The following USP25 variants were observed in gnomAD, a reference collection of about 807,000 sequenced individuals.
USP25 encodes the protein ubiquitin specific peptidase 25, also known as ubiquitin carboxyl-terminal hydrolase 25.
In USP25, 85 loss-of-function variants were observed where a neutral mutation model predicts 158.5. The observed-to-expected ratio is 0.54, with a 90% CI of 0.45 to 0.64. USP25 has a LOEUF of 0.64. Ranked by LOEUF, USP25 falls within the 30% of genes least tolerant of loss-of-function variation. The pLI, the probability that USP25 is intolerant of heterozygous loss-of-function variation, is 0.00. For synonymous variants in USP25, 464 were observed against 460.4 expected (o/e 1.01, Z -0.10); for missense variants, 1,242 against 1,327.3 (o/e 0.94, Z 1.00).
At chr21:15,783,105 T>G (rs1600895267) in intron 4 of USP25, among the ~76,000 whole-genome samples, 1 of 149,504 alleles carries the variant, frequency 6.7e-6, no homozygotes, top group African/African-American at 2.5e-5. Flanking sequence ...TGAATGAAAT[T>G]AAAAAAAATA....
At chr21:15,792,991 C>A (rs2035673312) in intron 5 of USP25, among the ~76,000 whole-genome samples, 1 of 151,552 alleles carries the variant, frequency 6.6e-6, no homozygotes, top group Non-Finnish European at 1.5e-5. Context: ...ATTCTTAGAT[C>A]ATCTTAATAG....
chr21:15,838,875 A>G (rs1361195393), intron 17 of USP25, among the ~76,000 whole-genome samples: 1 of 152,142 alleles, frequency 6.6e-6, no homozygotes, highest in South Asian at 2.1e-4. Context: ...GGAAATATGC[A>G]TAAGTAAAGC....
chr21:15,831,761 A>G, intron 16 of USP25, 132 bp downstream of exon 16: 1 of 765,318 alleles, frequency 1.3e-6, no homozygotes, highest in South Asian at 1.6e-5. Context: ...GGTTTTGACA[A>G]GACTGAATTG....
At chr21:15,785,768 C>G (rs1358555943) in intron 4 of USP25, among the ~76,000 whole-genome samples, 1 of 151,960 alleles carries the variant, frequency 6.6e-6, no homozygotes, top group African/African-American at 2.4e-5. Context: ...AAAGCAAGAA[C>G]AAATTAAACC....
intron 2 of USP25, among the ~76,000 whole-genome samples, chr21:15,765,400 A>G (rs1176172808): frequency 1.3e-5 from 2 of 152,152 alleles, no homozygotes; most frequent in Non-Finnish European, 2.9e-5. Context: ...GATGAGAACT[A>G]TGCAAAATGT....
At chr21:15,839,713 C>T (rs954942138) in intron 17 of USP25, among the ~76,000 whole-genome samples, 15 of 151,938 alleles carry the variant, frequency 9.9e-5, no homozygotes, top group Admixed American at 7.2e-4. Context: ...TTTTTTTATA[C>T]GGACTTTATT....
intron 9 of USP25, among the ~76,000 whole-genome samples, chr21:15,814,001 T>C (rs1488771507): frequency 2.6e-5 from 4 of 151,464 alleles, no homozygotes; most frequent in Admixed American, 2.6e-4. Flanking sequence ...GGTAATTGAA[T>C]TATGGGGGCT....
chr21:15,817,446 T>C (rs1020334200), intron 9 of USP25, among the ~76,000 whole-genome samples: 1 of 152,198 alleles, frequency 6.6e-6, no homozygotes, highest in African/African-American at 2.4e-5. Context: ...ACAGGGACTT[T>C]AAAGGTGTTT....
chr21:15,869,241 C>G (rs2039783360), intron 22 of USP25, among the ~76,000 whole-genome samples: 1 of 142,724 alleles, frequency 7.0e-6, no homozygotes, highest in Non-Finnish European at 1.5e-5. Context: ...GAGTGAGACC[C>G]TGTCTCCAAA....
intron 10 of USP25, among the ~76,000 whole-genome samples, chr21:15,821,662 T>A (rs1476385442): frequency 6.6e-6 from 1 of 152,010 alleles, no homozygotes; most frequent in African/African-American, 2.4e-5. Context: ...GGCAATTAAA[T>A]GACTGGAGCT....
At chr21:15,733,392 G>A (rs148603636) in intron 1 of USP25, among the ~76,000 whole-genome samples, 34 of 152,246 alleles carry the variant, frequency 2.2e-4, no homozygotes, top group Non-Finnish European at 3.8e-4. Context: ...TCCAAAAGGA[G>A]TGTAGTACTT....
chr21:15,845,300 A>G (rs911517829), intron 18 of USP25, among the ~76,000 whole-genome samples: 6 of 152,016 alleles, frequency 3.9e-5, no homozygotes, highest in African/African-American at 1.5e-4. Flanking sequence ...TGAGAAACTT[A>G]TTTTTAACTC....
At chr21:15,856,297 A>C (rs963954048) in intron 20 of USP25, among the ~76,000 whole-genome samples, 1 of 152,220 alleles carries the variant, frequency 6.6e-6, no homozygotes, top group Non-Finnish European at 1.5e-5. Context: ...CTAGTAATAC[A>C]TAATCCAAAA....
At chr21:15,837,509 A>G (rs992943585) in intron 17 of USP25, among the ~76,000 whole-genome samples, 6 of 152,198 alleles carry the variant, frequency 3.9e-5, no homozygotes, top group Admixed American at 3.9e-4. Context: ...CTCTGGAGAA[A>G]GGATCTGATA....
At chr21:15,783,347 T>C (rs1339618541) in intron 4 of USP25, among the ~76,000 whole-genome samples, 1 of 152,168 alleles carries the variant, frequency 6.6e-6, no homozygotes, top group African/African-American at 2.4e-5. Context: ...TTTGGTTAAA[T>C]AGATTGCCTG....
intron 24 of USP25, chr21:15,876,553 G>A (rs1029572367): frequency 6.0e-6 from 1 of 166,918 alleles, no homozygotes; most frequent in Non-Finnish European, 1.3e-5. Flanking sequence ...GGTGGCAGGA[G>A]AGAGAAGTGC....
At chr21:15,864,545 T>A (rs1463145816) in intron 21 of USP25, 99 bp downstream of exon 21, 2 of 1,065,814 alleles carry the variant, frequency 1.9e-6, no homozygotes, top group Non-Finnish European at 2.6e-6. Flanking sequence ...TATATATGCA[T>A]GGGCACATAT....
At position 15,766,931 on chromosome 21, in the gene USP25, G is replaced by A. The variant is rs967823003; in HGVS notation, c.268+790G>A. On this transcript the variant is annotated intron_variant, in intron 3 of 25. Transcript: ENST00000400183. This position sits in a 1 kb window ranked among gnomAD's most constrained non-coding sequence, Gnocchi z 4.0. The stretch of plus-strand genomic sequence containing the variant: ...TTAGGAAGCAACCAGAAAAGAGTTC[G>A]TTTACATAGATGTTTATTAATGTTT... Among the ~76,000 whole-genome samples, 15 of 152,066 alleles carry A rather than the reference G, an allele frequency of 9.9e-5. No individual in the cohort carries two copies. The highest frequency in any genetic ancestry group is 3.9e-4 in the Admixed American group (6 of 15,254).
chr21:15,805,569 A>G lies in USP25; in HGVS notation c.780+311A>G, dbSNP rs368932622. On this transcript the variant is annotated intron_variant, in intron 7 of 25. Coordinates refer to ENST00000400183, the MANE Select transcript of USP25 (RefSeq NM_001283041.3). ...GATCATTATAGTACACATGCTTTTGATATTCCTGTGTTTGCTGGCAGGGAG... is the reference window on the plus strand; with the variant it reads ...GATCATTATAGTACACATGCTTTTGGTATTCCTGTGTTTGCTGGCAGGGAG... The G allele has an allele frequency of 2.8e-4, 51 of 182,992 alleles. 3 individuals are homozygous for G. In the South Asian group the frequency reaches 9.7e-3, roughly 35 times the overall value. The allele number at this position is 182,992 out of a possible 1,614,324, so 11.3% of individuals were successfully genotyped here. A position where few individuals can be genotyped will look rare whatever the true frequency, so the allele number is the denominator to read the frequency against.
Sources: allele counts gnomAD v4.1 joint callset (sites outside exome capture counted in the v4.1 genomes callset), GRCh38; gene constraint gnomAD v4.1.1; non-coding constraint Gnocchi (gnomAD v3.1); transcripts MANE v1.5; gene names NCBI Gene and HGNC (gene_info 2026-07-23, HGNC 2026-07-21).